Variants in ADCY8 observed in about 807,000 individuals in gnomAD.
ADCY8 encodes the protein adenylate cyclase type 8.
Under a neutral mutation model 119.7 loss-of-function variants are expected in ADCY8, and 51 were observed. The ratio of observed to expected loss-of-function variants is 0.43; its 90% confidence interval spans 0.34 to 0.54. The LOEUF is 0.54. ADCY8 is among the 20% of genes least tolerant of loss of function. The pLI, the probability that ADCY8 is intolerant of heterozygous loss-of-function variation, is 0.03. For missense variants in ADCY8, 1,383 were observed against 1,598.8 expected (o/e 0.87, Z 2.30); for synonymous variants, 665 against 651.0 (o/e 1.02, Z -0.33).
At chr8:130,974,853 A>G (rs984955361) in intron 2 of ADCY8, among the ~76,000 whole-genome samples, 1 of 152,214 alleles carries the variant, frequency 6.6e-6, no homozygotes, top group Admixed American at 6.5e-5. Flanking sequence ...TTACGGAGAT[A>G]ATGGATTTTT....
At chr8:130,876,062 T>G (rs975627903) in intron 8 of ADCY8, among the ~76,000 whole-genome samples, 9 of 152,288 alleles carry the variant, frequency 5.9e-5, no homozygotes, top group Middle Eastern at 3.4e-3. Flanking sequence ...TTGATCTTTT[T>G]TTTTTTGAGA....
chr8:130,836,346 T>C lies in ADCY8; in HGVS notation c.2606A>G (p.Tyr869Cys), dbSNP rs1372422555. The change falls in exon 12 of 18, where the codon TAT (tyrosine) becomes TGT (cysteine). Residue 869 changes from tyrosine (Y) to cysteine (C), a missense_variant. Physicochemically the swap from Tyr to Cys is radical, Grantham distance 194 (BLOSUM62 -2). Around this residue, in one of 2 missense-constraint regions of ADCY8, gnomAD observed 928 missense variants for 1,163.5 expected, o/e 0.80. Transcript: ENST00000286355. ...LAVLLIMIAI[Y>C]ALLTETVYAG... is the part of the protein sequence containing the mutation. ...GTAGACGGTCTCAGTGAGCAGGGCATAGATGGCAATCATGATCAGCAGCAC... is the reference window on the plus strand; with the variant it reads ...GTAGACGGTCTCAGTGAGCAGGGCACAGATGGCAATCATGATCAGCAGCAC... The C allele has an allele frequency of 1.9e-5, 30 of 1,613,864 alleles. No individual in the cohort carries two copies. Among genetic ancestry groups the C allele is most frequent in the South Asian group, 5.5e-5 (5 of 91,080 alleles).
chr8:130,958,507 A>T (rs1391176939), intron 2 of ADCY8, among the ~76,000 whole-genome samples: 2 of 152,186 alleles, frequency 1.3e-5, no homozygotes, highest in African/African-American at 4.8e-5. Flanking sequence ...TAAAGGAAAG[A>T]GGTTTAATGG....
At chr8:130,899,912 C>T (rs549473127) in intron 7 of ADCY8, among the ~76,000 whole-genome samples, 5 of 152,184 alleles carry the variant, frequency 3.3e-5, no homozygotes, top group African/African-American at 9.7e-5. Context: ...TATTCTCCCC[C>T]ATATGTGAAA....
At chr8:131,020,157 G>A (rs1001263576) in intron 1 of ADCY8, among the ~76,000 whole-genome samples, 1 of 152,102 alleles carries the variant, frequency 6.6e-6, no homozygotes, top group African/African-American at 2.4e-5. Flanking sequence ...TAGATCCCAG[G>A]AAAGAATTTG....
intron 2 of ADCY8, among the ~76,000 whole-genome samples, chr8:130,958,088 G>T (rs1214032273): frequency 6.6e-6 from 1 of 152,162 alleles, no homozygotes; most frequent in Non-Finnish European, 1.5e-5. Flanking sequence ...CCAATAGTTT[G>T]CACCATTCTC....
chr8:130,875,169 A>C (rs958634932), intron 8 of ADCY8, among the ~76,000 whole-genome samples: 5 of 152,128 alleles, frequency 3.3e-5, no homozygotes, highest in Admixed American at 2.0e-4. Flanking sequence ...AAACAGCTGT[A>C]ATTTTGCAAG....
chr8:130,923,507 T>A (rs1454215586), intron 5 of ADCY8, among the ~76,000 whole-genome samples: 1 of 152,212 alleles, frequency 6.6e-6, no homozygotes, highest in East Asian at 1.9e-4. Flanking sequence ...GTCATTCCTA[T>A]GACTTTTTTA....
Position 130,998,565 on chromosome 8 carries a change from G to T in ADCY8, c.961-8023C>A, listed in dbSNP as rs575687458. On this transcript the variant is annotated intron_variant, in intron 1 of 17. Coordinates refer to ENST00000286355, the MANE Select transcript of ADCY8 (RefSeq NM_001115.3). Reference sequence around the variant, plus strand: ...CCATGAGATGGGAAGGCCCTGCAAAGTTCTTAGCACTTGGAAACATGACCT... The same window carrying T: ...CCATGAGATGGGAAGGCCCTGCAAATTTCTTAGCACTTGGAAACATGACCT... Among the ~76,000 whole-genome samples, 3 of 152,276 alleles carry T rather than the reference G, an allele frequency of 2.0e-5. No individual in the cohort carries two copies. The East Asian group carries it at 5.8e-4, about 29-fold the overall frequency.
At chr8:130,858,451 T>C (rs1330621340) in intron 9 of ADCY8, among the ~76,000 whole-genome samples, 2 of 152,208 alleles carry the variant, frequency 1.3e-5, no homozygotes, top group Non-Finnish European at 2.9e-5. Flanking sequence ...GAAATTTTCT[T>C]CATGATTACA....
chr8:130,886,347 G>C (rs1481022967), intron 7 of ADCY8, among the ~76,000 whole-genome samples: 1 of 152,028 alleles, frequency 6.6e-6, no homozygotes, highest in Non-Finnish European at 1.5e-5. Context: ...TAGATGTTAG[G>C]GGGTGGCATG....
intron 8 of ADCY8, among the ~76,000 whole-genome samples, chr8:130,876,766 T>A (rs992155443): frequency 2.0e-5 from 3 of 152,056 alleles, no homozygotes; most frequent in Non-Finnish European, 2.9e-5. Flanking sequence ...TGGTTTTAAC[T>A]TTTTTTTGGT....
chr8:130,793,370 C>T (rs995494190), intron 15 of ADCY8, among the ~76,000 whole-genome samples: 1 of 152,184 alleles, frequency 6.6e-6, no homozygotes, highest in Non-Finnish European at 1.5e-5. Context: ...CCTGGGTAAG[C>T]GATGAGTGGG....
At chr8:130,864,485 TTTC>T (rs1818045440) in intron 9 of ADCY8, among the ~76,000 whole-genome samples, 1 of 152,166 alleles carries the variant, frequency 6.6e-6, no homozygotes, top group African/African-American at 2.4e-5. Flanking sequence ...TATGTGTATA[TTTC>T]TTCTTTTGAA....
At chr8:130,791,389 C>G (rs571627866) in intron 15 of ADCY8, among the ~76,000 whole-genome samples, 8 of 152,274 alleles carry the variant, frequency 5.3e-5, no homozygotes, top group African/African-American at 1.9e-4. Context: ...GGGGCAGGTG[C>G]CGGTAAGCGG....
chr8:130,804,956 A>G (rs1262924208), intron 14 of ADCY8, among the ~76,000 whole-genome samples: 1 of 152,186 alleles, frequency 6.6e-6, no homozygotes, highest in African/African-American at 2.4e-5. Flanking sequence ...CACATTGGCC[A>G]GGCTGGTCTT....
intron 2 of ADCY8, among the ~76,000 whole-genome samples, chr8:130,976,612 A>G (rs778845529): frequency 7.2e-5 from 11 of 152,134 alleles, no homozygotes; most frequent in Non-Finnish European, 1.3e-4. Context: ...TATTTTATGC[A>G]CTCATCTACT....
intron 15 of ADCY8, among the ~76,000 whole-genome samples, chr8:130,788,356 AG>A (rs1815322828): frequency 6.6e-6 from 1 of 152,244 alleles, no homozygotes; most frequent in Non-Finnish European, 1.5e-5. Context: ...ATGAATCTGA[AG>A]GGCATTATGG....
chr8:131,013,662 G>A (rs1336146242), intron 1 of ADCY8, among the ~76,000 whole-genome samples: 2 of 152,178 alleles, frequency 1.3e-5, no homozygotes, highest in African/African-American at 2.4e-5. Context: ...AGCATGAAGG[G>A]TGTGTGGTGT....
Sources: allele counts gnomAD v4.1 joint callset (sites outside exome capture counted in the v4.1 genomes callset), GRCh38; gene constraint gnomAD v4.1.1; regional missense constraint gnomAD v4.1.1; transcripts MANE v1.5; gene names NCBI Gene and HGNC (gene_info 2026-07-23, HGNC 2026-07-21).